Variants in RGS7 observed in about 807,000 individuals in gnomAD.
The protein encoded by RGS7 is regulator of G-protein signaling 7.
In RGS7, 27 loss-of-function variants were observed where a neutral mutation model predicts 81.1. That is an observed-to-expected ratio of 0.33 (90% CI 0.25 to 0.46). RGS7 has a LOEUF of 0.46. Among genes scored for constraint, RGS7 ranks in the 20% least tolerant of loss-of-function variants. RGS7 has a pLI of 1.00. For missense variants in RGS7, 396 were observed against 607.4 expected (o/e 0.65, Z 3.66); for synonymous variants, 208 against 207.7 (o/e 1.00, Z -0.01).
intron 2 of RGS7, among the ~76,000 whole-genome samples, chr1:241,177,522 G>T (rs1245808618): frequency 1.3e-5 from 2 of 152,148 alleles, no homozygotes; most frequent in Non-Finnish European, 2.9e-5. Context: ...CCCCTTGAGG[G>T]TTATAAACAG....
At chr1:241,276,829 ATT>A (rs1230024231) in intron 2 of RGS7, among the ~76,000 whole-genome samples, 3 of 152,150 alleles carry the variant, frequency 2.0e-5, no homozygotes, top group African/African-American at 7.2e-5. Context: ...CCAGTAAAGA[ATT>A]TTTCTTGAAT....
intron 2 of RGS7, among the ~76,000 whole-genome samples, chr1:241,159,484 T>G (rs979974845): frequency 6.6e-6 from 1 of 151,882 alleles, no homozygotes; most frequent in Non-Finnish European, 1.5e-5. Flanking sequence ...AATATAGCCC[T>G]TCCTTCCTTC....
At chr1:240,880,379 G>C (rs1419673242) in intron 6 of RGS7, among the ~76,000 whole-genome samples, 4 of 152,192 alleles carry the variant, frequency 2.6e-5, no homozygotes, top group Non-Finnish European at 4.4e-5. Context: ...TTTGGAGTTT[G>C]CTTGCTCATT....
rs528072749 is a variant in RGS7 at position 240,926,315 on chromosome 1, G to A, written c.385+4402C>T. 1.4e-4 allele frequency among the ~76,000 whole-genome samples: 21 copies of A among 152,230 alleles called. No homozygotes were observed. The South Asian group carries it at 4.4e-3, about 32-fold the overall frequency. On this transcript the variant is annotated intron_variant, in intron 6 of 18. Transcript: ENST00000440928. ...TTTAATCGATCTTGAGTTAGTTTTT[G>A]TATATGGTACAAGGTAGCGGTCCAG... is the stretch of plus-strand genomic sequence containing the variant.
chr1:241,247,193 T>C (rs2076590072), intron 2 of RGS7, among the ~76,000 whole-genome samples: 1 of 152,214 alleles, frequency 6.6e-6, no homozygotes, highest in African/African-American at 2.4e-5. Context: ...AAAGACTTAA[T>C]AATTATTTAC....
chr1:241,166,044 G>A (rs1319789289), intron 2 of RGS7, among the ~76,000 whole-genome samples: 4 of 152,164 alleles, frequency 2.6e-5, no homozygotes, highest in Admixed American at 6.5e-5. Flanking sequence ...AGGTGATTCC[G>A]ATGCAAGCTC....
chr1:241,221,047 GA>G (rs2074949717), intron 2 of RGS7, among the ~76,000 whole-genome samples: 5 of 100,278 alleles, frequency 5.0e-5, no homozygotes, highest in African/African-American at 1.3e-4. Context: ...GGAAAAGAAA[GA>G]AAGAAAGAAA....
At chr1:240,836,597 G>A (rs1047250761) in intron 9 of RGS7, among the ~76,000 whole-genome samples, 5 of 152,172 alleles carry the variant, frequency 3.3e-5, no homozygotes, top group Non-Finnish European at 5.9e-5. Context: ...AATCCAAAAT[G>A]ATCCCTGGGT....
intron 2 of RGS7, among the ~76,000 whole-genome samples, chr1:241,201,505 T>C (rs1047348646): frequency 6.6e-6 from 1 of 152,240 alleles, no homozygotes. Context: ...AAACCCATGA[T>C]TTTCTAACTT....
intron 4 of RGS7, among the ~76,000 whole-genome samples, chr1:240,942,390 A>G (rs918743158): frequency 1.3e-5 from 2 of 152,222 alleles, no homozygotes; most frequent in Non-Finnish European, 2.9e-5. Context: ...CCAGAGGCTC[A>G]ACTTCTTGCA....
chr1:241,251,869 C>T (rs569034051), intron 2 of RGS7, among the ~76,000 whole-genome samples: 74 of 151,884 alleles, frequency 4.9e-4, no homozygotes, highest in African/African-American at 1.8e-3. Context: ...GAAGGAAATC[C>T]TTTTGCCACT....
At chr1:241,117,617 C>T (rs765465453) in intron 2 of RGS7, among the ~76,000 whole-genome samples, 4 of 152,186 alleles carry the variant, frequency 2.6e-5, no homozygotes, top group Non-Finnish European at 5.9e-5. Context: ...TGAGAAAACT[C>T]CTGGTTAATT....
chr1:241,293,083 C>T (rs2079178065), intron 2 of RGS7, among the ~76,000 whole-genome samples: 1 of 152,188 alleles, frequency 6.6e-6, no homozygotes, highest in South Asian at 2.1e-4. Context: ...AATTGCTTAA[C>T]AACATTTCAG....
intron 6 of RGS7, among the ~76,000 whole-genome samples, chr1:240,899,101 G>A (rs1435753632): frequency 6.6e-6 from 1 of 150,554 alleles, no homozygotes; most frequent in African/African-American, 2.4e-5. Context: ...GACTAGGATT[G>A]CAATCCTTGC....
intron 2 of RGS7, among the ~76,000 whole-genome samples, chr1:241,111,821 G>C (rs1424469645): frequency 6.6e-6 from 1 of 152,072 alleles, no homozygotes; most frequent in Non-Finnish European, 1.5e-5. Flanking sequence ...TGTGCACTGT[G>C]GACTAAAAGC....
intron 2 of RGS7, among the ~76,000 whole-genome samples, chr1:241,110,694 C>CTTT (rs533691961): frequency 1.8e-4 from 25 of 139,988 alleles, no homozygotes; most frequent in African/African-American, 5.8e-4. Flanking sequence ...CTCACTCACT[C>CTTT]TTTTTTTTTT....
At chr1:240,862,031 T>A (rs1662297320) in intron 9 of RGS7, among the ~76,000 whole-genome samples, 1 of 152,318 alleles carries the variant, frequency 6.6e-6, no homozygotes. Flanking sequence ...TACTATATTA[T>A]CTTTGTCATC....
At position 241,181,746 on chromosome 1, in the gene RGS7, T is replaced by G. The variant is rs148979295; in HGVS notation, c.79-82984A>C. Reference sequence around the variant, plus strand: ...CTGGGTCTGGCTCTGTCACTGGGGCTGGAGTGCAGTGGCATGATTATGACT... The same window carrying G: ...CTGGGTCTGGCTCTGTCACTGGGGCGGGAGTGCAGTGGCATGATTATGACT... On this transcript the variant is annotated intron_variant, in intron 2 of 18. Coordinates refer to ENST00000440928, the MANE Select transcript of RGS7 (RefSeq NM_001364886.1). Among the ~76,000 whole-genome samples, 171 of 152,322 alleles carry G rather than the reference T, an allele frequency of 1.1e-3. 1 individual carries two copies. The highest frequency in any genetic ancestry group is 3.7e-3 in the African/African-American group (154 of 41,576).
intron 6 of RGS7, among the ~76,000 whole-genome samples, chr1:240,871,847 T>C (rs1341991926): frequency 6.6e-6 from 1 of 152,166 alleles, no homozygotes; most frequent in South Asian, 2.1e-4. Context: ...GAATTACCTC[T>C]GATGAAATTT....
Sources: gnomAD v4.1 joint callset for allele counts (sites outside exome capture counted in the v4.1 genomes callset) on GRCh38, gnomAD v4.1.1 for gene constraint, MANE v1.5 for transcripts, NCBI Gene and HGNC (gene_info 2026-07-23, HGNC 2026-07-21) for gene names.